Variants in BMI1 observed in about 807,000 individuals in gnomAD.
BMI1 encodes polycomb complex protein BMI-1.
In BMI1, 9 loss-of-function variants were observed where a neutral mutation model predicts 39.1. The ratio of observed to expected loss-of-function variants is 0.23; its 90% CI spans 0.14 to 0.40. The LOEUF is 0.40. Ranked by LOEUF, BMI1 falls within the 10% of genes least tolerant of loss-of-function variation. The pLI, the probability that BMI1 is intolerant of heterozygous loss-of-function variation, is 1.00. For missense variants in BMI1, 252 were observed against 390.8 expected (o/e 0.64, Z 2.99); for synonymous variants, 131 against 127.9 (o/e 1.02, Z -0.16).
intron 1 of BMI1, chr10:22,325,671 G>C (rs1265298620): frequency 1.3e-5 from 2 of 148,532 alleles, no homozygotes; most frequent in South Asian, 2.1e-4. Flanking sequence ...GCCGAGGCTC[G>C]GGGCTCGGGC....
rs904503044 is a variant in BMI1 at position 22,331,017 on chromosome 10, C to T, written c.*1475C>T. On this transcript the variant is annotated 3_prime_UTR_variant, in exon 10 of 10. Transcript: ENST00000376663. ...TTGTCCCCAGTCTGCAAAAGAAGCA[C>T]AATTCTATTGCTTTGTCTTGCTTAT... is the stretch of plus-strand genomic sequence containing the variant. The T allele has an allele frequency of 6.6e-6, 1 of 152,570 alleles. No homozygotes were observed. Among genetic ancestry groups the T allele is most frequent in the Non-Finnish European group, 1.5e-5 (1 of 67,980 alleles). 9.5% of individuals were successfully genotyped at this position (152,570 alleles called of 1,614,324 possible).
chr10:22,329,569 T>G lies in BMI1; in HGVS notation c.*27T>G, dbSNP rs1204146147. 2 of 1,603,078 alleles carry G rather than the reference T, an allele frequency of 1.2e-6. No individual in the cohort carries two copies. Among genetic ancestry groups the G allele is most frequent in the East Asian group, 2.2e-5 (1 of 44,782 alleles). ...ACCTGAGACTGTTAAGGAAAAAAAT[T>G]TTAAACCCCTGATTTATATAGATAT... is the stretch of plus-strand genomic sequence containing the variant. On this transcript the variant is annotated 3_prime_UTR_variant, in exon 10 of 10. Coordinates refer to ENST00000376663, the MANE Select transcript of BMI1 (RefSeq NM_005180.9).
At chr10:22,326,189 A>G in intron 1 of BMI1, 1 of 425,678 alleles carries the variant, frequency 2.3e-6, no homozygotes, top group South Asian at 2.8e-5. Flanking sequence ...CCCACCCCAG[A>G]CTTTCTTCTA....
At chr10:22,321,791 C>G (rs1836005413) in intron 1 of BMI1, 95 bp downstream of exon 1, 1 of 144,838 alleles carries the variant, frequency 6.9e-6, no homozygotes, top group Admixed American at 6.8e-5. Flanking sequence ...GGAGCCCCCC[C>G]CGCGCCCCGG....
In BMI1 at chr10:22,327,577, A is replaced by G. The variant is rs764945458; in HGVS notation, c.210-18A>G. 9.5e-6 allele frequency: 15 copies of G among 1,581,768 alleles called. No homozygotes were observed. Among genetic ancestry groups the G allele is most frequent in the Middle Eastern group, 1.9e-4 (1 of 5,168 alleles). On this transcript the variant is annotated intron_variant, in intron 3 of 9. Transcript: ENST00000376663. The stretch of plus-strand genomic sequence containing the variant: ...TTGCCATCTGAATTCATAGTTTTCT[A>G]TTTTAATTATTTTTCAGGTCAGATA...
chr10:22,325,836 C>T (rs1195620417), intron 1 of BMI1: 1 of 152,142 alleles, frequency 6.6e-6, no homozygotes, highest in Non-Finnish European at 1.5e-5. Flanking sequence ...CGGGCGTCCG[C>T]CGCGCTCAGG....
chr10:22,327,535 A>C, intron 3 of BMI1, 60 bp from the exon 4 acceptor site: 2 of 1,477,548 alleles, frequency 1.4e-6, no homozygotes, highest in Non-Finnish European at 1.8e-6. Flanking sequence ...ATAGAAACTT[A>C]TGAACATTTT....
chr10:22,322,426 G>C (rs566065540), intron 1 of BMI1, among the ~76,000 whole-genome samples: 6 of 152,176 alleles, frequency 3.9e-5, no homozygotes, highest in Non-Finnish European at 8.8e-5. Flanking sequence ...GTAAGATGGC[G>C]GTTCCCAGTT....
rs1836278101 is a variant in BMI1 at position 22,331,368 on chromosome 10, A to G, written c.*1826A>G. ...AAACGTTAAAGAGAATACATTGCTG[A>G]CTTATAGTGATGTGGCTAAGAAGTA... On this transcript the variant is annotated 3_prime_UTR_variant, in exon 10 of 10. Coordinates refer to ENST00000376663, the MANE Select transcript of BMI1 (RefSeq NM_005180.9). 7 of 152,166 alleles carry G rather than the reference A, an allele frequency of 4.6e-5. No homozygotes were observed. Among genetic ancestry groups the G allele is most frequent in the Admixed American group, 4.6e-4 (7 of 15,284 alleles). 9.4% of individuals were successfully genotyped at this position (152,166 alleles called of 1,614,324 possible). A position where few individuals can be genotyped will look rare whatever the true frequency, so the allele number is the denominator to read the frequency against.
At chr10:22,325,595 CG>C (rs1337443013) in intron 1 of BMI1, 1 of 145,116 alleles carries the variant, frequency 6.9e-6, no homozygotes, top group Non-Finnish European at 1.5e-5. Context: ...GCCCCCGCGC[CG>C]GCCCCGCCCC....
At chr10:22,324,724 A>G (rs1045255313) in intron 1 of BMI1, among the ~76,000 whole-genome samples, 3 of 152,262 alleles carry the variant, frequency 2.0e-5, no homozygotes, top group Non-Finnish European at 4.4e-5. Flanking sequence ...TTTCCATTCA[A>G]GGAAGATTTG....
At chr10:22,322,869 G>A (rs1240146783) in intron 1 of BMI1, among the ~76,000 whole-genome samples, 1 of 152,196 alleles carries the variant, frequency 6.6e-6, no homozygotes, top group Non-Finnish European at 1.5e-5. Context: ...CTTTTTCCCA[G>A]AGATTTACAG....
Position 22,326,673 on chromosome 10 carries a change from G to T in BMI1, c.112+112G>T, listed in dbSNP as rs1836161941. ...TCTGTGGAAATGTTGGTACAAAGTG[G>T]TGAAGGCATTTTCTTCTCTTGCATC... On this transcript the variant is annotated intron_variant, in intron 2 of 9. Transcript: ENST00000376663. 3.3e-6 allele frequency: 5 copies of T among 1,498,762 alleles called. No homozygotes were observed. In the South Asian group the frequency reaches 5.4e-5, roughly 16 times the overall value. The allele number at this position is 1,498,762 out of a possible 1,614,324, so 92.8% of individuals were successfully genotyped here. A position where few individuals can be genotyped will look rare whatever the true frequency, so the allele number is the denominator to read the frequency against.
chr10:22,326,998 T>C lies in BMI1; in HGVS notation c.209+12T>C, dbSNP rs369850451. ...CTACTGAATATAAGGTAGGAAACTG[T>C]TGAAATTCCTTGTTTGTAATTATTA... On this transcript the variant is annotated intron_variant, in intron 3 of 9. Coordinates refer to ENST00000376663, the MANE Select transcript of BMI1 (RefSeq NM_005180.9). 6.2e-7 allele frequency: 1 copy of C among 1,608,368 alleles called. No individual in the cohort carries two copies. The highest frequency in any genetic ancestry group is 8.5e-7 in the Non-Finnish European group (1 of 1,177,366).
At chr10:22,323,019 C>A (rs1305442467) in intron 1 of BMI1, among the ~76,000 whole-genome samples, 3 of 152,172 alleles carry the variant, frequency 2.0e-5, no homozygotes, top group East Asian at 3.8e-4. Flanking sequence ...GGGCAAAATT[C>A]CGAGCATATT....
Position 22,326,859 on chromosome 10 carries a change from C to T in BMI1, c.113-31C>T. 1.9e-6 allele frequency: 3 copies of T among 1,608,804 alleles called. No homozygotes were observed. In the South Asian group the frequency reaches 3.3e-5, roughly 18 times the overall value. On this transcript the variant is annotated intron_variant, in intron 2 of 9. Transcript: ENST00000376663. ...AATGATTTATCCACTCATTTCTAAA[C>T]ATAAAAAAACTTCACATGTTCTACT...
intron 3 of BMI1, 64 bp from the exon 4 acceptor site, chr10:22,327,531 A>T: frequency 6.9e-7 from 1 of 1,457,194 alleles, no homozygotes. Context: ...GACTATAGAA[A>T]CTTATGAACA....
chr10:22,326,760 G>T, intron 2 of BMI1, 130 bp from the exon 3 acceptor site: 1 of 1,337,424 alleles, frequency 7.5e-7, no homozygotes, highest in African/African-American at 1.5e-5. Context: ...GTGTTCTCAG[G>T]ATATGAATTA....
At chr10:22,328,981 T>C in intron 8 of BMI1, 67 bp from the exon 9 acceptor site, 1 of 1,469,022 alleles carries the variant, frequency 6.8e-7, no homozygotes, top group Non-Finnish European at 9.2e-7. Flanking sequence ...TTGGATTATA[T>C]TTAAATGACA....
Sources: allele counts gnomAD v4.1 joint callset (sites outside exome capture counted in the v4.1 genomes callset), GRCh38; gene constraint gnomAD v4.1.1; transcripts MANE v1.5; gene names NCBI Gene and HGNC (gene_info 2026-07-23, HGNC 2026-07-21).